The following TMEM132C variants were observed in gnomAD, a reference collection of about 807,000 sequenced individuals.
The protein encoded by TMEM132C is transmembrane protein 132C.
Under a neutral mutation model 61.4 loss-of-function variants are expected in TMEM132C, and 29 were observed. That is an observed-to-expected ratio of 0.47 (90% CI 0.35 to 0.64). TMEM132C has a LOEUF of 0.64. Ranked by LOEUF, TMEM132C falls within the 30% of genes least tolerant of loss-of-function variation. TMEM132C has a pLI of 0.00. For missense variants in TMEM132C, 1,408 were observed against 1,476.9 expected (o/e 0.95, Z 0.76); for synonymous variants, 656 against 633.1 (o/e 1.04, Z -0.54).
intron 4 of TMEM132C, among the ~76,000 whole-genome samples, chr12:128,652,995 C>T (rs1317715262): frequency 6.6e-6 from 1 of 152,170 alleles, no homozygotes; most frequent in Non-Finnish European, 1.5e-5. Flanking sequence ...AGCAGCATTA[C>T]TCGTAATAGC....
intron 4 of TMEM132C, among the ~76,000 whole-genome samples, chr12:128,648,893 G>T (rs753061876): frequency 2.7e-5 from 4 of 147,382 alleles, no homozygotes; most frequent in African/African-American, 5.3e-5. Flanking sequence ...ATCAGCATTG[G>T]ATATGGGTGT....
At chr12:128,442,787 C>A (rs1869842161) in intron 2 of TMEM132C, among the ~76,000 whole-genome samples, 1 of 152,178 alleles carries the variant, frequency 6.6e-6, no homozygotes. Flanking sequence ...TTACTGTATT[C>A]ACGATGTTGT....
At chr12:128,418,483 C>A (rs1868860943) in intron 2 of TMEM132C, among the ~76,000 whole-genome samples, 1 of 152,204 alleles carries the variant, frequency 6.6e-6, no homozygotes, top group African/African-American at 2.4e-5. Context: ...CTCTTTCTCT[C>A]CCCCTCTGTC....
intron 2 of TMEM132C, among the ~76,000 whole-genome samples, chr12:128,419,081 A>C (rs570574055): frequency 6.6e-6 from 1 of 152,252 alleles, no homozygotes; most frequent in African/African-American, 2.4e-5. Flanking sequence ...CTTCCTGCCC[A>C]AGTGAAGCTT....
At chr12:128,270,653 G>A (rs74774905) in intron 1 of TMEM132C, among the ~76,000 whole-genome samples, 4,552 of 152,280 alleles carry the variant, frequency 0.03, 95 homozygotes, top group South Asian at 0.051. Context: ...TGCCACCAAC[G>A]AATGATGCTC....
chr12:128,462,680 G>A (rs377601395), intron 2 of TMEM132C, among the ~76,000 whole-genome samples: 3 of 152,250 alleles, frequency 2.0e-5, no homozygotes, highest in African/African-American at 7.2e-5. Flanking sequence ...ATTTAGAAAA[G>A]TATAAAGTCC....
At chr12:128,368,324 C>T (rs929216345) in intron 1 of TMEM132C, among the ~76,000 whole-genome samples, 3 of 152,224 alleles carry the variant, frequency 2.0e-5, no homozygotes, top group African/African-American at 7.2e-5. Flanking sequence ...CAAGGTAGCG[C>T]AGTGGTTATG....
chr12:128,490,418 C>A (rs1037477919), intron 2 of TMEM132C, among the ~76,000 whole-genome samples: 22 of 152,166 alleles, frequency 1.4e-4, no homozygotes, highest in Non-Finnish European at 1.8e-4. Flanking sequence ...CAAATTCCCC[C>A]CTTCCACACC....
At chr12:128,440,035 T>G (rs1869731022) in intron 2 of TMEM132C, among the ~76,000 whole-genome samples, 1 of 152,214 alleles carries the variant, frequency 6.6e-6, no homozygotes, top group South Asian at 2.1e-4. Flanking sequence ...CTCTTTCTGT[T>G]TGGAGGTGTC....
intron 3 of TMEM132C, among the ~76,000 whole-genome samples, chr12:128,581,089 T>TAGAGC (rs1875317806): frequency 6.6e-6 from 1 of 152,082 alleles, no homozygotes; most frequent in Admixed American, 6.5e-5. Context: ...AAAAGGGAGC[T>TAGAGC]AGAGCTGCAG....
intron 1 of TMEM132C, among the ~76,000 whole-genome samples, chr12:128,371,965 G>T (rs538521925): frequency 1.3e-5 from 2 of 152,134 alleles, no homozygotes; most frequent in African/African-American, 4.8e-5. Context: ...GTGACATTTA[G>T]TCACTTTGCA....
intron 1 of TMEM132C, among the ~76,000 whole-genome samples, chr12:128,309,977 C>T (rs149006050): frequency 0.013 from 1,933 of 152,226 alleles, 27 homozygotes; most frequent in African/African-American, 0.037. Flanking sequence ...CTCACGTGAT[C>T]CTCCCACCTT....
At chr12:128,406,692 G>T (rs1344792058) in intron 1 of TMEM132C, among the ~76,000 whole-genome samples, 1 of 152,148 alleles carries the variant, frequency 6.6e-6, no homozygotes, top group Non-Finnish European at 1.5e-5. Flanking sequence ...CTGGAACAAG[G>T]ATGTACTAAG....
Position 128,278,226 on chromosome 12 carries a change from C to G in TMEM132C, c.85+10739C>G, listed in dbSNP as rs1018325952. Among the ~76,000 whole-genome samples, 9 of 152,176 alleles carry G rather than the reference C, an allele frequency of 5.9e-5. No individual in the cohort carries two copies. The highest frequency in any genetic ancestry group is 2.2e-4 in the African/African-American group (9 of 41,444). On this transcript the variant is annotated intron_variant, in intron 1 of 8. Transcript: ENST00000435159. The surrounding 1 kb of genome is among the most constrained non-coding windows in gnomAD (Gnocchi z 4.2). ...ATTTGTTCTGCTCCGGCTTTGTTCC[C>G]TCTTTCCTGCCTCCTAAATGGCAAT... is the stretch of plus-strand genomic sequence containing the variant.
chr12:128,492,786 T>C (rs1871789537), intron 2 of TMEM132C, among the ~76,000 whole-genome samples: 1 of 152,230 alleles, frequency 6.6e-6, no homozygotes, highest in African/African-American at 2.4e-5. Context: ...AAAAACTTTC[T>C]CCCATTCTGT....
chr12:128,457,673 G>A (rs1222065699), intron 2 of TMEM132C, among the ~76,000 whole-genome samples: 1 of 152,088 alleles, frequency 6.6e-6, no homozygotes, highest in African/African-American at 2.4e-5. Context: ...CTAGTGCTAT[G>A]CAGAGTTTAC....
At chr12:128,392,311 C>T (rs1050749726) in intron 1 of TMEM132C, among the ~76,000 whole-genome samples, 3 of 152,326 alleles carry the variant, frequency 2.0e-5, no homozygotes, top group East Asian at 1.9e-4. Flanking sequence ...GCACCTTCAT[C>T]GTGCCTGATG....
rs1457590405 is a variant in TMEM132C, at chr12:128,447,771, C to T, written c.974+32151C>T. 6.2e-5 allele frequency among the ~76,000 whole-genome samples: 5 copies of T among 80,884 alleles called. 1 individual carries two copies. In the Admixed American group the frequency reaches 7.5e-4, roughly 12 times the overall value. 53.1% of individuals were successfully genotyped at this position (80,884 alleles called of 152,430 possible). A position where few individuals can be genotyped will look rare whatever the true frequency, so the allele number is the denominator to read the frequency against. ...GTCTCGCTCTGTCGCCCAGGCCGGA[C>T]TGCGGACTGCAGTGGCGCAATCTCG... On this transcript the variant is annotated intron_variant, in intron 2 of 8. Coordinates refer to ENST00000435159, the MANE Select transcript of TMEM132C (RefSeq NM_001136103.3).
intron 3 of TMEM132C, among the ~76,000 whole-genome samples, chr12:128,557,152 G>C (rs574181305): frequency 6.6e-6 from 1 of 152,066 alleles, no homozygotes; most frequent in Admixed American, 6.6e-5. Flanking sequence ...AGATATTGAC[G>C]GGTTTGTCAT....
Sources: allele counts gnomAD v4.1 joint callset (sites outside exome capture counted in the v4.1 genomes callset), GRCh38; gene constraint gnomAD v4.1.1; non-coding constraint Gnocchi (gnomAD v3.1); transcripts MANE v1.5; gene names NCBI Gene and HGNC (gene_info 2026-07-23, HGNC 2026-07-21).